CD59: variants seen among roughly 807,000 people sequenced by gnomAD.
CD59 encodes the protein CD59 glycoprotein.
Under a neutral mutation model 7.0 loss-of-function variants are expected in CD59, and 3 were observed. The observed-to-expected ratio is 0.43, with a 90% CI of 0.19 to 1.10. The LOEUF is 1.10. Among genes scored for constraint, CD59 ranks in the 50% least tolerant of loss-of-function variants. The pLI, the probability that CD59 is intolerant of heterozygous loss-of-function variation, is 0.29. For synonymous variants in CD59, 60 were observed against 62.0 expected (o/e 0.97, Z 0.15); for missense variants, 143 against 151.0 (o/e 0.95, Z 0.28).
chr11:33,725,794 C>G (rs1049403334), intron 1 of CD59, among the ~76,000 whole-genome samples: 1 of 151,922 alleles, frequency 6.6e-6, no homozygotes, highest in Admixed American at 6.6e-5. Flanking sequence ...AACCGCATAG[C>G]CAGGAAAAGT....
intron 2 of CD59, among the ~76,000 whole-genome samples, chr11:33,720,899 C>T (rs1854030413): frequency 1.3e-5 from 2 of 152,212 alleles, no homozygotes; most frequent in Admixed American, 1.3e-4. Flanking sequence ...GCAAAGAAGG[C>T]CTCTCATCTG....
chr11:33,728,253 C>T (rs1259539504), intron 1 of CD59, among the ~76,000 whole-genome samples: 5 of 152,176 alleles, frequency 3.3e-5, no homozygotes, highest in Non-Finnish European at 5.9e-5. Context: ...AGGCATCACG[C>T]TACCTGACTT....
chr11:33,734,787 C>T (rs1350685045), intron 1 of CD59, among the ~76,000 whole-genome samples: 1 of 152,214 alleles, frequency 6.6e-6, no homozygotes. Flanking sequence ...CACTTCTGGG[C>T]TTGGCAATGT....
chr11:33,718,565 C>G (rs909096534), intron 2 of CD59: 7 of 152,194 alleles, frequency 4.6e-5, no homozygotes, highest in Admixed American at 4.6e-4. Context: ...TGAACTACCC[C>G]CTTCTAAGGG....
At chr11:33,718,033 A>G (rs186941865) in intron 2 of CD59, 2 of 175,842 alleles carry the variant, frequency 1.1e-5, no homozygotes, top group South Asian at 1.3e-4. Flanking sequence ...AAAGAATTCT[A>G]TTCCCCTCAT....
Position 33,722,397 on chromosome 11 carries a change from C to T in CD59, c.49G>A (p.Ala17Thr). Reference sequence around the variant, plus strand: ...CACTCACCTGAATGGCAGAAGACAGCCAGGACGAGCAGCAGCCCGAACAGG... The same window carrying T: ...CACTCACCTGAATGGCAGAAGACAGTCAGGACGAGCAGCAGCCCGAACAGG... The part of the protein sequence containing the change: ...SVLFGLLLVL[A>T]VFCHSGHSLQ... Residue 17 changes from alanine (A) to threonine (T), a missense_variant, in exon 2 of 4, where the codon GCT becomes ACT. Transcript: ENST00000642928. 1 of 1,613,618 alleles carries T rather than the reference C, an allele frequency of 6.2e-7. No individual in the cohort carries two copies. The highest frequency in any genetic ancestry group is 1.1e-5 in the South Asian group (1 of 91,082).
At chr11:33,711,193 G>A (rs1853540838) in intron 3 of CD59, among the ~76,000 whole-genome samples, 1 of 152,142 alleles carries the variant, frequency 6.6e-6, no homozygotes, top group East Asian at 1.9e-4. Flanking sequence ...ACCACCAGGT[G>A]CGGTGGCTCA....
At chr11:33,730,438 C>A (rs530426647) in intron 1 of CD59, among the ~76,000 whole-genome samples, 4 of 152,096 alleles carry the variant, frequency 2.6e-5, no homozygotes, top group African/African-American at 4.8e-5. Context: ...TTAAAACTTA[C>A]ACACACAAAC....
At chr11:33,724,856 G>T (rs755761238) in intron 1 of CD59, among the ~76,000 whole-genome samples, 14 of 152,280 alleles carry the variant, frequency 9.2e-5, no homozygotes, top group South Asian at 2.1e-4. Flanking sequence ...GAGAAAGGAA[G>T]TAGCTATGTG....
intron 1 of CD59, among the ~76,000 whole-genome samples, chr11:33,734,532 C>T (rs866528385): frequency 1.8e-4 from 27 of 152,284 alleles, no homozygotes; most frequent in Middle Eastern, 3.4e-3. Flanking sequence ...CAAGTGTTCT[C>T]ATTGGTCAGC....
chr11:33,708,060 T>C lies in CD59; in HGVS notation c.*2066A>G, dbSNP rs1408041788. The C allele has an allele frequency of 6.6e-6, 1 of 152,236 alleles. No homozygotes were observed. Among genetic ancestry groups the C allele is most frequent in the Non-Finnish European group, 1.5e-5 (1 of 68,076 alleles). The allele number at this position is 152,236 out of a possible 1,614,324, so 9.4% of individuals were successfully genotyped here. ...CTCACTGCAGTTGGCACTAATTTTCTATTGCCACAGCCCTCTCCAGCCAGG... is the reference window on the plus strand; with the variant it reads ...CTCACTGCAGTTGGCACTAATTTTCCATTGCCACAGCCCTCTCCAGCCAGG... On this transcript the variant is annotated 3_prime_UTR_variant, in exon 4 of 4. Transcript: ENST00000642928.
At position 33,706,210 on chromosome 11, in the gene CD59, T is replaced by C. The variant is rs1428992888; in HGVS notation, c.*3916A>G. On this transcript the variant is annotated 3_prime_UTR_variant, in exon 4 of 4. Transcript: ENST00000642928. ...CCATCACAGGCACCCACCTAGAAAT[T>C]AAGGTACTGTGGTCATTTATCTTAT... 2 of 152,084 alleles carry C rather than the reference T, an allele frequency of 1.3e-5. No homozygotes were observed. The highest frequency in any genetic ancestry group is 3.9e-4 in the East Asian group (2 of 5,192). 9.4% of individuals were successfully genotyped at this position (152,084 alleles called of 1,614,324 possible). A position where few individuals can be genotyped will look rare whatever the true frequency, so the allele number is the denominator to read the frequency against.
At chr11:33,718,641 G>A (rs147295527) in intron 2 of CD59, 1 of 152,302 alleles carries the variant, frequency 6.6e-6, no homozygotes, top group African/African-American at 2.4e-5. Flanking sequence ...TTAAACCCAT[G>A]GGCATAGGAC....
At chr11:33,726,137 C>A (rs910908544) in intron 1 of CD59, among the ~76,000 whole-genome samples, 1 of 152,174 alleles carries the variant, frequency 6.6e-6, no homozygotes, top group African/African-American at 2.4e-5. Context: ...AGGAAATTAA[C>A]AAGGATATCC....
chr11:33,712,193 T>C (rs1040686588), intron 3 of CD59, among the ~76,000 whole-genome samples: 4 of 152,228 alleles, frequency 2.6e-5, no homozygotes, highest in Admixed American at 6.5e-5. Context: ...GAAAAGTTTC[T>C]ATAAGAACAT....
chr11:33,713,248 T>C (rs575037400), intron 3 of CD59, among the ~76,000 whole-genome samples: 1 of 152,312 alleles, frequency 6.6e-6, no homozygotes, highest in East Asian at 1.9e-4. Flanking sequence ...AATAACTGAG[T>C]GCCTGTGTGC....
intron 2 of CD59, among the ~76,000 whole-genome samples, chr11:33,720,685 C>A (rs375556389): frequency 6.6e-6 from 1 of 152,136 alleles, no homozygotes; most frequent in African/African-American, 2.4e-5. Context: ...GCCGAGATCG[C>A]GCCACTGCGC....
At chr11:33,722,321 A>T (rs1854103873) in intron 2 of CD59, 58 bp downstream of exon 2, 3 of 1,272,732 alleles carry the variant, frequency 2.4e-6, no homozygotes, top group Non-Finnish European at 3.5e-6. Context: ...CTGAGGCTTA[A>T]GAAGGGAGTT....
intron 3 of CD59, among the ~76,000 whole-genome samples, chr11:33,715,606 GA>G (rs974178986): frequency 1.4e-4 from 20 of 147,054 alleles, no homozygotes; most frequent in Middle Eastern, 3.5e-3. Flanking sequence ...TCTCAAAAAA[GA>G]AAAAAAAAAC....
Sources: allele counts gnomAD v4.1 joint callset (sites outside exome capture counted in the v4.1 genomes callset), GRCh38; gene constraint gnomAD v4.1.1; transcripts MANE v1.5; gene names NCBI Gene and HGNC (gene_info 2026-07-23, HGNC 2026-07-21).